The following FOXP2 variants were observed in gnomAD, a reference collection of about 807,000 sequenced individuals.
The protein encoded by FOXP2 is forkhead box protein P2.
A neutral mutation model predicts 115.8 loss-of-function variants in FOXP2; 12 were observed. The ratio of observed to expected loss-of-function variants is 0.10; its 90% CI spans 0.07 to 0.17. FOXP2 has a LOEUF of 0.17. Ranked by LOEUF, FOXP2 falls within the 10% of genes least tolerant of loss-of-function variation. The probability of loss-of-function intolerance (pLI) is 1.00; values close to 1 mark genes in which losing one functional copy is unlikely to be tolerated. For synonymous variants in FOXP2, 328 were observed against 297.7 expected (o/e 1.10, Z -1.05); for missense variants, 629 against 843.5 (o/e 0.75, Z 3.15).
intron 2 of FOXP2, among the ~76,000 whole-genome samples, chr7:114,517,092 T>C (rs1303294344): frequency 6.6e-6 from 1 of 152,144 alleles, no homozygotes; most frequent in Non-Finnish European, 1.5e-5. Context: ...TGTATTCATC[T>C]GATGATGAGT....
Position 114,361,477 on chromosome 7 carries a change from A to G in FOXP2, c.-10-65025A>G, listed in dbSNP as rs1424867214. Among the ~76,000 whole-genome samples the G allele has an allele frequency of 2.0e-5, 3 of 152,116 alleles. No individual in the cohort carries two copies. In the East Asian group the frequency reaches 5.8e-4, roughly 29 times the overall value. ...AGAAAGAGACTATATTCTTTAGGAA[A>G]GGAGATTTCAAGTATAATTTGTTCA... On this transcript the variant is annotated intron_variant, in intron 2 of 17. Transcript: ENST00000634411.
chr7:114,251,849 G>T (rs1027847003), intron 1 of FOXP2, among the ~76,000 whole-genome samples: 2 of 152,168 alleles, frequency 1.3e-5, no homozygotes, highest in African/African-American at 4.8e-5. Context: ...TGGTGAGAGA[G>T]GGCTTCCCTG....
At chr7:114,689,047 C>T (rs1808520424) in intron 16 of FOXP2, among the ~76,000 whole-genome samples, 1 of 152,114 alleles carries the variant, frequency 6.6e-6, no homozygotes. Flanking sequence ...TAGCTTTTCT[C>T]AGATCACAGT....
At chr7:114,243,852 G>T (rs186262338) in intron 1 of FOXP2, among the ~76,000 whole-genome samples, 61 of 151,894 alleles carry the variant, frequency 4.0e-4, no homozygotes, top group Admixed American at 2.6e-3. Context: ...TGAGCCAAAA[G>T]AAGTCACTGA....
chr7:114,399,793 A>G (rs915268281), intron 2 of FOXP2, among the ~76,000 whole-genome samples: 3 of 152,098 alleles, frequency 2.0e-5, no homozygotes, highest in African/African-American at 7.2e-5. Flanking sequence ...ACCAGTATAA[A>G]GGGAGACAGA....
At chr7:114,274,334 G>C (rs1796131306) in intron 1 of FOXP2, among the ~76,000 whole-genome samples, 1 of 151,994 alleles carries the variant, frequency 6.6e-6, no homozygotes, top group African/African-American at 2.4e-5. Context: ...ACTGTTATAT[G>C]TTAGATCAAT....
At chr7:114,326,419 G>T (rs1288643559) in intron 2 of FOXP2, among the ~76,000 whole-genome samples, 1 of 152,054 alleles carries the variant, frequency 6.6e-6, no homozygotes, top group Non-Finnish European at 1.5e-5. Context: ...AAAGTGAATG[G>T]GAAGAGTGAA....
At chr7:114,670,082 C>A (rs564885335) in intron 16 of FOXP2, 1 of 152,042 alleles carries the variant, frequency 6.6e-6, no homozygotes, top group South Asian at 2.1e-4. Flanking sequence ...GTTTTCAGAT[C>A]CTTTCTTATA....
At chr7:114,108,676 C>A (rs1791186302) in intron 1 of FOXP2, among the ~76,000 whole-genome samples, 1 of 151,894 alleles carries the variant, frequency 6.6e-6, no homozygotes, top group Non-Finnish European at 1.5e-5. Flanking sequence ...ATTAGTTTAG[C>A]AACATTAAGC....
chr7:114,189,999 AAAG>A (rs1186946807), intron 1 of FOXP2, among the ~76,000 whole-genome samples: 1 of 152,178 alleles, frequency 6.6e-6, no homozygotes, highest in African/African-American at 2.4e-5. Context: ...CAAGGGGAAA[AAAG>A]AAGGCCTATG....
intron 5 of FOXP2, chr7:114,631,095 C>G (rs1804887107): frequency 5.1e-6 from 1 of 196,844 alleles, no homozygotes; most frequent in African/African-American, 2.4e-5. Flanking sequence ...AGGCTACATC[C>G]CAGTTTACTA....
chr7:114,653,192 T>C (rs542524798), intron 9 of FOXP2, among the ~76,000 whole-genome samples: 2 of 152,286 alleles, frequency 1.3e-5, no homozygotes, highest in Admixed American at 6.5e-5. Context: ...AAAAGCACCA[T>C]CACTGTTAAA....
At chr7:114,213,473 T>A (rs1469780446) in intron 1 of FOXP2, among the ~76,000 whole-genome samples, 2 of 152,198 alleles carry the variant, frequency 1.3e-5, no homozygotes, top group African/African-American at 4.8e-5. Context: ...CTTAGTAATG[T>A]CAGTTGACAT....
In FOXP2 at chr7:114,459,343, A is replaced by T. The variant is rs977561568; in HGVS notation, c.168+32664A>T. On this transcript the variant is annotated intron_variant, in intron 2 of 16. Transcript: ENST00000350908. ...TGAGCTGCCATGGTATCCTTTATGT[A>T]TTAAAATAAAAACCCCTGACGATGG... Among the ~76,000 whole-genome samples, 4 of 152,218 alleles carry T rather than the reference A, an allele frequency of 2.6e-5. No homozygotes were observed. In the East Asian group the frequency reaches 7.7e-4, roughly 29 times the overall value.
intron 1 of FOXP2, among the ~76,000 whole-genome samples, chr7:114,168,524 T>C (rs1435651436): frequency 6.6e-6 from 1 of 152,164 alleles, no homozygotes; most frequent in Non-Finnish European, 1.5e-5. Flanking sequence ...AAGAAATTTC[T>C]AAGCAGCAAA....
At chr7:114,442,983 C>G (rs1030026153) in intron 2 of FOXP2, among the ~76,000 whole-genome samples, 1 of 152,082 alleles carries the variant, frequency 6.6e-6, no homozygotes, top group East Asian at 1.9e-4. Context: ...AAGGATTATT[C>G]CAAGTAAGAA....
At chr7:114,319,526 G>C (rs904305463) in intron 2 of FOXP2, among the ~76,000 whole-genome samples, 2 of 152,182 alleles carry the variant, frequency 1.3e-5, no homozygotes, top group African/African-American at 2.4e-5. Flanking sequence ...AAGTCACATT[G>C]TATGAGGATG....
intron 16 of FOXP2, among the ~76,000 whole-genome samples, chr7:114,678,414 T>TA (rs1291564462): frequency 1.3e-5 from 2 of 152,146 alleles, no homozygotes; most frequent in African/African-American, 4.8e-5. Context: ...AAGCTGCTGA[T>TA]ATGTAGGGAC....
chr7:114,178,913 G>A (rs1332248704), intron 1 of FOXP2, among the ~76,000 whole-genome samples: 2 of 151,576 alleles, frequency 1.3e-5, no homozygotes, highest in South Asian at 2.1e-4. Flanking sequence ...CTTTATGAAC[G>A]TCAACACAAT....
Sources: allele counts gnomAD v4.1 joint callset (sites outside exome capture counted in the v4.1 genomes callset), GRCh38; gene constraint gnomAD v4.1.1; transcripts MANE v1.5; gene names NCBI Gene and HGNC (gene_info 2026-07-23, HGNC 2026-07-21).